The following CNOT7 variants were observed in gnomAD, a reference collection of about 807,000 sequenced individuals.
CNOT7 encodes the protein BTG1-binding factor 1.
Under a neutral mutation model 37.1 loss-of-function variants are expected in CNOT7, and 4 were observed. The ratio of observed to expected loss-of-function variants is 0.11; its 90% CI spans 0.05 to 0.25. The LOEUF is 0.25. CNOT7 is among the 10% of genes least tolerant of loss of function. The pLI is 1.00. For synonymous variants in CNOT7, 128 were observed against 115.6 expected, an observed-to-expected ratio of 1.11 and a Z score of -0.69; for missense variants, 170 against 336.2, an observed-to-expected ratio of 0.51 and a Z score of 3.87.
At chr8:17,245,493 C>T (rs1216900862) in intron 1 of CNOT7, among the ~76,000 whole-genome samples, 1 of 152,162 alleles carries the variant, frequency 6.6e-6, no homozygotes, top group Non-Finnish European at 1.5e-5. Flanking sequence ...ACATACTAAT[C>T]ATATTTTATA....
intron 3 of CNOT7, among the ~76,000 whole-genome samples, chr8:17,239,351 T>C (rs1809821710): frequency 6.6e-6 from 1 of 151,634 alleles, no homozygotes; most frequent in Admixed American, 6.6e-5. Context: ...GGCTACTGCA[T>C]CCAGCCTTCC....
intron 3 of CNOT7, among the ~76,000 whole-genome samples, chr8:17,239,891 C>G (rs966429353): frequency 1.3e-5 from 2 of 152,246 alleles, no homozygotes; most frequent in Non-Finnish European, 2.9e-5. Flanking sequence ...CAGTACTCCA[C>G]TTCAATTTTC....
intron 6 of CNOT7, 57 bp from the exon 7 acceptor site, chr8:17,230,905 G>T: frequency 1.6e-6 from 2 of 1,288,744 alleles, no homozygotes; most frequent in Non-Finnish European, 2.2e-6. Flanking sequence ...GGAACCACTT[G>T]TAATTTATAT....
chr8:17,243,490 G>A (rs1360511454), intron 2 of CNOT7: 1 of 516,714 alleles, frequency 1.9e-6, no homozygotes, highest in Non-Finnish European at 3.7e-6. Context: ...TCTCCCAAAG[G>A]ATACATGAAA....
At chr8:17,238,295 T>C (rs1424159713) in intron 3 of CNOT7, among the ~76,000 whole-genome samples, 1 of 152,200 alleles carries the variant, frequency 6.6e-6, no homozygotes, top group Non-Finnish European at 1.5e-5. Flanking sequence ...ATTAAACACT[T>C]GACAAATCTA....
Position 17,230,530 on chromosome 8 carries a change from G to A in CNOT7, c.*190C>T, listed in dbSNP as rs1006955392. The A allele has an allele frequency of 2.1e-5, 7 of 330,394 alleles. No homozygotes were observed. The highest frequency in any genetic ancestry group is 1.4e-4 in the South Asian group (1 of 7,008). The allele number at this position is 330,394 out of a possible 1,614,324, so 20.5% of individuals were successfully genotyped here. A position where few individuals can be genotyped will look rare whatever the true frequency, so the allele number is the denominator to read the frequency against. The stretch of plus-strand genomic sequence containing the variant: ...TTAAGGCCAAATTTAACCTGAATGC[G>A]TTTTTTTTTTTCTTTTTATTAAGAT... On this transcript the variant is annotated 3_prime_UTR_variant, in exon 7 of 7. Transcript: ENST00000361272.
rs1042769712 is a variant in CNOT7, at chr8:17,228,980, G to A, written c.*1740C>T. Reference sequence around the variant, plus strand: ...ATTTACTTTGTGAAGTATATCCTTCGGAATAAATGCATTCCTGGAAAGGAG... The same window carrying A: ...ATTTACTTTGTGAAGTATATCCTTCAGAATAAATGCATTCCTGGAAAGGAG... On this transcript the variant is annotated 3_prime_UTR_variant, in exon 7 of 7. Coordinates refer to ENST00000361272, the MANE Select transcript of CNOT7 (RefSeq NM_013354.7). 3 of 151,860 alleles carry A rather than the reference G, an allele frequency of 2.0e-5. No individual in the cohort carries two copies. The highest frequency in any genetic ancestry group is 6.6e-5 in the Admixed American group (1 of 15,236). The allele number at this position is 151,860 out of a possible 1,614,324, so 9.4% of individuals were successfully genotyped here.
chr8:17,234,943 T>G, intron 4 of CNOT7, 83 bp from the exon 5 acceptor site: 7 of 1,268,440 alleles, frequency 5.5e-6, no homozygotes, highest in Non-Finnish European at 7.5e-6. Context: ...GATTCAAATT[T>G]AAGCAAGTCA....
chr8:17,234,304 A>G (rs1809039371), intron 5 of CNOT7, among the ~76,000 whole-genome samples: 1 of 152,208 alleles, frequency 6.6e-6, no homozygotes, highest in Non-Finnish European at 1.5e-5. Flanking sequence ...TTGCCACACT[A>G]CTAAATACAT....
intron 6 of CNOT7, 97 bp downstream of exon 6, chr8:17,232,321 ATATCTTTAC>A: frequency 6.3e-7 from 1 of 1,583,206 alleles, no homozygotes; most frequent in Non-Finnish European, 8.5e-7. Flanking sequence ...ATCTCTAATT[ATATCTTTAC>A]TTAGTAGGTA....
At chr8:17,233,450 A>G (rs529004588) in intron 5 of CNOT7, among the ~76,000 whole-genome samples, 13 of 152,322 alleles carry the variant, frequency 8.5e-5, no homozygotes, top group African/African-American at 2.6e-4. Flanking sequence ...GTCAAAAAGC[A>G]CCTTTGTCGT....
chr8:17,233,339 C>T (rs1004706713), intron 5 of CNOT7, among the ~76,000 whole-genome samples: 1 of 152,216 alleles, frequency 6.6e-6, no homozygotes, highest in Non-Finnish European at 1.5e-5. Flanking sequence ...CTTTGCACAG[C>T]AGTTGCTTCT....
At chr8:17,243,519 A>G in intron 2 of CNOT7, 1 of 486,820 alleles carries the variant, frequency 2.1e-6, no homozygotes, top group Non-Finnish European at 4.0e-6. Flanking sequence ...ACAGTATTCC[A>G]ATGCTAAAAC....
intron 1 of CNOT7, among the ~76,000 whole-genome samples, chr8:17,245,702 G>T (rs1275498026): frequency 2.0e-5 from 3 of 152,090 alleles, no homozygotes; most frequent in African/African-American, 4.8e-5. Flanking sequence ...CTACTTTACC[G>T]GCGTTTATTC....
At chr8:17,245,512 C>G (rs1810831539) in intron 1 of CNOT7, among the ~76,000 whole-genome samples, 1 of 152,188 alleles carries the variant, frequency 6.6e-6, no homozygotes, top group African/African-American at 2.4e-5. Context: ...TAACTTTCCA[C>G]TAATTATTTA....
intron 6 of CNOT7, chr8:17,231,666 C>A (rs1808632717): frequency 4.1e-6 from 4 of 985,380 alleles, no homozygotes; most frequent in Non-Finnish European, 4.8e-6. Context: ...AAAAACCTCA[C>A]TTGTTTTTTG....
intron 3 of CNOT7, among the ~76,000 whole-genome samples, chr8:17,239,922 T>A (rs1255761929): frequency 6.6e-6 from 1 of 152,246 alleles, no homozygotes; most frequent in Non-Finnish European, 1.5e-5. Flanking sequence ...CAACTCCAAA[T>A]TCAGTTTGGA....
In CNOT7 at chr8:17,234,999, C is replaced by T. The variant is rs1809151782; in HGVS notation, c.474-139G>A. The T allele has an allele frequency of 1.1e-5, 7 of 656,096 alleles. No individual in the cohort carries two copies. In the South Asian group the frequency reaches 1.2e-4, roughly 12 times the overall value. 40.6% of individuals were successfully genotyped at this position (656,096 alleles called of 1,614,324 possible). A position where few individuals can be genotyped will look rare whatever the true frequency, so the allele number is the denominator to read the frequency against. On this transcript the variant is annotated intron_variant, in intron 4 of 6. Transcript: ENST00000361272. ...CATTAAAGAGAAGTGCACACAAGAACAGAGAAAACAAACATATTGAGAACT... is the reference window on the plus strand; with the variant it reads ...CATTAAAGAGAAGTGCACACAAGAATAGAGAAAACAAACATATTGAGAACT...
At chr8:17,235,769 T>C (rs988503018) in intron 4 of CNOT7, among the ~76,000 whole-genome samples, 1 of 152,214 alleles carries the variant, frequency 6.6e-6, no homozygotes, top group African/African-American at 2.4e-5. Flanking sequence ...TACTTGAAAT[T>C]AGAATATGAG....
Sources: gnomAD v4.1 joint callset for allele counts (sites outside exome capture counted in the v4.1 genomes callset) on GRCh38, gnomAD v4.1.1 for gene constraint, MANE v1.5 for transcripts, NCBI Gene and HGNC (gene_info 2026-07-23, HGNC 2026-07-21) for gene names.